The following ALK variants were observed in gnomAD, a reference collection of about 807,000 sequenced individuals.
The protein encoded by ALK is ALK receptor tyrosine kinase.
Under a neutral mutation model 163.1 loss-of-function variants are expected in ALK, and 74 were observed. The ratio of observed to expected loss-of-function variants is 0.45; its 90% CI spans 0.38 to 0.55. ALK has a LOEUF of 0.55. Ranked by LOEUF, ALK falls within the 20% of genes least tolerant of loss-of-function variation. The probability of loss-of-function intolerance (pLI) is 0.00; values close to 1 mark genes in which losing one functional copy is unlikely to be tolerated. For synonymous variants in ALK, 960 were observed against 843.2 expected, an observed-to-expected ratio of 1.14 and a Z score of -2.40; for missense variants, 2,063 against 2,105.3, an observed-to-expected ratio of 0.98 and a Z score of 0.39.
At chr2:29,745,060 T>A (rs1229672816) in intron 1 of ALK, among the ~76,000 whole-genome samples, 1 of 152,178 alleles carries the variant, frequency 6.6e-6, no homozygotes, top group African/African-American at 2.4e-5. Flanking sequence ...AAGTGAGGAA[T>A]CGATTTTCAC....
intron 23 of ALK, among the ~76,000 whole-genome samples, chr2:29,217,144 GTGT>G (rs879684007): frequency 0.1 from 15,390 of 149,730 alleles, 1,104 homozygotes; most frequent in Admixed American, 0.17. Context: ...GTGTGTGTGT[GTGT>G]GTAGTGTATG....
At chr2:29,431,496 G>A (rs917720351) in intron 4 of ALK, among the ~76,000 whole-genome samples, 1 of 152,152 alleles carries the variant, frequency 6.6e-6, no homozygotes, top group African/African-American at 2.4e-5. Context: ...ACTTATTCTA[G>A]GCACATGGAG....
At chr2:29,918,848 T>C (rs781487003) in intron 1 of ALK, among the ~76,000 whole-genome samples, 2 of 152,250 alleles carry the variant, frequency 1.3e-5, no homozygotes, top group Non-Finnish European at 2.9e-5. Context: ...ATGAGAATGA[T>C]AGAAAAGAAG....
At chr2:29,747,109 T>C (rs1680225056) in intron 1 of ALK, among the ~76,000 whole-genome samples, 2 of 152,166 alleles carry the variant, frequency 1.3e-5, no homozygotes, top group African/African-American at 4.8e-5. Flanking sequence ...GGTCACTCTA[T>C]TTCATGAGTG....
At chr2:29,276,818 TC>T (rs1484220697) in intron 9 of ALK, among the ~76,000 whole-genome samples, 5 of 152,150 alleles carry the variant, frequency 3.3e-5, no homozygotes, top group Non-Finnish European at 5.9e-5. Flanking sequence ...TTAGTGGTTG[TC>T]TGGGGCTGGG....
intron 26 of ALK, 47 bp from the exon 27 acceptor site, chr2:29,197,723 CCACATT>C: frequency 6.8e-7 from 1 of 1,472,260 alleles, no homozygotes; most frequent in Non-Finnish European, 9.5e-7. Flanking sequence ...ACACACCCAC[CCACATT>C]CACACACACA....
intron 14 of ALK, 40 bp from the exon 15 acceptor site, chr2:29,232,488 G>A (rs1664242889): frequency 6.2e-7 from 1 of 1,613,646 alleles, no homozygotes; most frequent in Non-Finnish European, 8.5e-7. Flanking sequence ...AAACCGAGCT[G>A]TGCTTCCCCC....
chr2:29,305,756 C>A (rs1666492102), intron 8 of ALK, among the ~76,000 whole-genome samples: 1 of 152,188 alleles, frequency 6.6e-6, no homozygotes, highest in Admixed American at 6.5e-5. Context: ...TGGAAGACAA[C>A]TTTTCCACAG....
intron 3 of ALK, among the ~76,000 whole-genome samples, chr2:29,675,412 T>A (rs1677842580): frequency 6.6e-6 from 1 of 151,892 alleles, no homozygotes. Context: ...AAGGAAAGAG[T>A]GACAACTGTG....
intron 1 of ALK, among the ~76,000 whole-genome samples, chr2:29,839,806 T>C (rs1294007553): frequency 6.6e-6 from 1 of 152,124 alleles, no homozygotes; most frequent in Non-Finnish European, 1.5e-5. Flanking sequence ...GTCTCTTCTG[T>C]GAGATATATT....
intron 3 of ALK, among the ~76,000 whole-genome samples, chr2:29,564,425 A>G: frequency 7.6e-6 from 1 of 131,220 alleles, no homozygotes; most frequent in Admixed American, 8.1e-5. Flanking sequence ...GCCTTGCATA[A>G]AGGATCCCTA....
chr2:29,698,633 A>G (rs577831573), intron 2 of ALK, among the ~76,000 whole-genome samples: 1 of 152,342 alleles, frequency 6.6e-6, no homozygotes, highest in South Asian at 2.1e-4. Flanking sequence ...TACAACAGAC[A>G]GACAGTGCAA....
chr2:29,902,512 T>G (rs1172031864), intron 1 of ALK, among the ~76,000 whole-genome samples: 1 of 152,220 alleles, frequency 6.6e-6, no homozygotes, highest in Non-Finnish European at 1.5e-5. Flanking sequence ...ATCAGGCCTT[T>G]GATGGCTGCC....
chr2:29,733,646 G>A (rs1438801893), intron 1 of ALK, among the ~76,000 whole-genome samples: 1 of 152,216 alleles, frequency 6.6e-6, no homozygotes, highest in Non-Finnish European at 1.5e-5. Context: ...CAGTCAATGT[G>A]ATTTATATTA....
chr2:29,338,813 T>C (rs1223812663), intron 5 of ALK, among the ~76,000 whole-genome samples: 3 of 152,086 alleles, frequency 2.0e-5, no homozygotes, highest in Non-Finnish European at 4.4e-5. Context: ...TGTCGTGAGG[T>C]GGGGTTTCCT....
Position 29,225,653 on chromosome 2 carries a change from G to A in ALK, c.3068-88C>T, listed in dbSNP as rs920689282. 5.5e-6 allele frequency: 6 copies of A among 1,087,418 alleles called. No individual in the cohort carries two copies. In the Admixed American group the frequency reaches 8.0e-5, roughly 14 times the overall value. 67.4% of individuals were successfully genotyped at this position (1,087,418 alleles called of 1,614,324 possible). On this transcript the variant is annotated intron_variant, in intron 18 of 28. Coordinates refer to ENST00000389048, the MANE Select transcript of ALK (RefSeq NM_004304.5). ...AGTCAGAAATAACCTCCCCCACTGA[G>A]ACAAAAACTACTTGCTCCTTCCCAT...
At chr2:29,375,819 G>A (rs1289040473) in intron 5 of ALK, among the ~76,000 whole-genome samples, 4 of 152,176 alleles carry the variant, frequency 2.6e-5, no homozygotes, top group Non-Finnish European at 5.9e-5. Context: ...AACTGCTTTG[G>A]AGGAAGACAT....
intron 4 of ALK, among the ~76,000 whole-genome samples, chr2:29,412,005 C>T (rs1433301462): frequency 6.6e-6 from 1 of 152,186 alleles, no homozygotes; most frequent in African/African-American, 2.4e-5. Flanking sequence ...TCCAGAATTG[C>T]ATCAGTGTCA....
intron 8 of ALK, among the ~76,000 whole-genome samples, chr2:29,312,313 A>T (rs1666718436): frequency 6.6e-6 from 1 of 151,752 alleles, no homozygotes; most frequent in Non-Finnish European, 1.5e-5. Context: ...ATCTCCTCTC[A>T]CTCATTTCTC....
Sources: gnomAD v4.1 joint callset for allele counts (sites outside exome capture counted in the v4.1 genomes callset) on GRCh38, gnomAD v4.1.1 for gene constraint, MANE v1.5 for transcripts, NCBI Gene and HGNC (gene_info 2026-07-23, HGNC 2026-07-21) for gene names.